MTOR: variants seen among roughly 807,000 people sequenced by gnomAD.
The protein encoded by MTOR is mechanistic target of rapamycin kinase, also known as serine/threonine-protein kinase mTOR.
MTOR carries 70 observed loss-of-function variants against 319.8 expected under a neutral mutation model. The ratio of observed to expected loss-of-function variants is 0.22; its 90% CI spans 0.18 to 0.27. The LOEUF (loss-of-function observed/expected upper bound fraction) is 0.27, where lower values mean the gene tolerates loss of function less well. Ranked by LOEUF, MTOR falls within the 10% of genes least tolerant of loss-of-function variation. The pLI is 1.00. For synonymous variants in MTOR, 1,183 were observed against 1,211.4 expected (o/e 0.98, Z 0.49); for missense variants, 1,890 against 3,274.4 (o/e 0.58, Z 10.32).
At position 11,129,655 on chromosome 1, in the gene MTOR, G is replaced by A; in HGVS notation, c.5714+83C>T. 8.0e-7 allele frequency: 1 copy of A among 1,244,008 alleles called. No homozygotes were observed. Among genetic ancestry groups the A allele is most frequent in the Non-Finnish European group, 1.2e-6 (1 of 862,534 alleles). The allele number at this position is 1,244,008 out of a possible 1,614,324, so 77.1% of individuals were successfully genotyped here. A position where few individuals can be genotyped will look rare whatever the true frequency, so the allele number is the denominator to read the frequency against. ...TGGGTGTCCTGATCAGGGTCAGGAA[G>A]GGAAAGAGGACTTTTACGTGTGACT... is the stretch of plus-strand genomic sequence containing the variant. On this transcript the variant is annotated intron_variant, in intron 40 of 57. Coordinates refer to ENST00000361445, the MANE Select transcript of MTOR (RefSeq NM_004958.4). This position sits in a 1 kb window ranked among gnomAD's most constrained non-coding sequence, Gnocchi z 4.7.
intron 2 of MTOR, among the ~76,000 whole-genome samples, chr1:11,258,868 G>A (rs1005122057): frequency 6.6e-6 from 1 of 152,154 alleles, no homozygotes; most frequent in Non-Finnish European, 1.5e-5. Context: ...GGAGAAACAA[G>A]ATACTGTCTC....
chr1:11,153,876 C>T (rs1458155408), intron 30 of MTOR, among the ~76,000 whole-genome samples: 1 of 151,720 alleles, frequency 6.6e-6, no homozygotes, highest in East Asian at 1.9e-4. Context: ...CAAGACCAGC[C>T]TGGCCAACAT....
intron 28 of MTOR, among the ~76,000 whole-genome samples, chr1:11,178,490 G>A (rs1297840858): frequency 2.0e-5 from 3 of 152,172 alleles, no homozygotes; most frequent in African/African-American, 7.2e-5. Context: ...CAGGCACACC[G>A]CTCCCAGCAT....
chr1:11,207,310 C>T (rs1454120010), intron 25 of MTOR, among the ~76,000 whole-genome samples: 1 of 151,750 alleles, frequency 6.6e-6, no homozygotes, highest in Non-Finnish European at 1.5e-5. Context: ...CCATGTTGCC[C>T]CAGCTGGTCT....
intron 34 of MTOR, among the ~76,000 whole-genome samples, chr1:11,140,485 C>A (rs1643643993): frequency 2.6e-5 from 4 of 152,222 alleles, no homozygotes; most frequent in Admixed American, 2.6e-4. Flanking sequence ...TCACCTCCTG[C>A]TGTGCCTCCC....
chr1:11,140,106 G>C (rs924656662), intron 34 of MTOR, among the ~76,000 whole-genome samples: 1 of 152,052 alleles, frequency 6.6e-6, no homozygotes, highest in Non-Finnish European at 1.5e-5. Flanking sequence ...TTACAGGCAC[G>C]AGCCACCATG....
intron 31 of MTOR, among the ~76,000 whole-genome samples, chr1:11,147,208 C>G (rs1643960839): frequency 6.6e-6 from 1 of 152,158 alleles, no homozygotes; most frequent in South Asian, 2.1e-4. Flanking sequence ...ATTACATTTT[C>G]CTCCAAACAA....
chr1:11,114,513 C>G (rs1410289391), intron 52 of MTOR, 60 bp from the exon 53 acceptor site: 1 of 1,605,700 alleles, frequency 6.2e-7, no homozygotes, highest in Non-Finnish European at 8.5e-7. Flanking sequence ...CAAAGCAAGC[C>G]GAGGGGGTCT....
chr1:11,130,868 C>T (rs2100435146), intron 38 of MTOR, 91 bp from the exon 39 acceptor site: 1 of 1,456,074 alleles, frequency 6.9e-7, no homozygotes, highest in African/African-American at 1.4e-5. Flanking sequence ...GGAACAGCTG[C>T]TCCTGCCTGT....
At chr1:11,198,349 C>T (rs1195589227) in intron 28 of MTOR, among the ~76,000 whole-genome samples, 17 of 152,152 alleles carry the variant, frequency 1.1e-4, no homozygotes, top group Admixed American at 9.8e-4. Flanking sequence ...TCTATCTTTT[C>T]GCTAACTTTT....
intron 25 of MTOR, among the ~76,000 whole-genome samples, chr1:11,207,679 T>C: frequency 6.6e-6 from 1 of 151,418 alleles, no homozygotes; most frequent in Non-Finnish European, 1.5e-5. Context: ...ATTTTTATTA[T>C]ACAGATGGTG....
At chr1:11,214,309 C>T (rs956714997) in intron 20 of MTOR, among the ~76,000 whole-genome samples, 2 of 152,250 alleles carry the variant, frequency 1.3e-5, no homozygotes, top group Non-Finnish European at 2.9e-5. Context: ...CCTTTCTACA[C>T]CCACATGGTT....
At chr1:11,254,432 GCCCAGC>G (rs570566734) in intron 5 of MTOR, among the ~76,000 whole-genome samples, 17 of 151,986 alleles carry the variant, frequency 1.1e-4, no homozygotes, top group Non-Finnish European at 2.2e-4. Flanking sequence ...AAGCCACCAC[GCCCAGC>G]CCCAGCTTCA....
In MTOR at chr1:11,145,048, A is replaced by G. The variant is rs760066667; in HGVS notation, c.4687-3T>C. The G allele has an allele frequency of 1.2e-6, 2 of 1,614,024 alleles. No homozygotes were observed. Among genetic ancestry groups the G allele is most frequent in the Non-Finnish European group, 1.7e-6 (2 of 1,179,938 alleles). ...AGGTCCCTGGCCTTGTCAATGCACT[A>G]GAAGAGAAACAACCCTTGGGACTGA... On this transcript the variant is annotated splice_polypyrimidine_tract_variant and splice_region_variant and intron_variant, in intron 32 of 57. Transcript: ENST00000361445.
Position 11,109,153 on chromosome 1 carries a change from C to T in MTOR, c.7528+137G>A, listed in dbSNP as rs565468396. The T allele has an allele frequency of 1.4e-6, 1 of 689,924 alleles. No individual in the cohort carries two copies. The highest frequency in any genetic ancestry group is 1.8e-5 in the African/African-American group (1 of 55,300). The allele number at this position is 689,924 out of a possible 1,614,324, so 42.7% of individuals were successfully genotyped here. ...TCAGAGACAATGTTTAACTGATGAC[C>T]TCAAAGACACTCTTTGTCAGCTGCA... On this transcript the variant is annotated intron_variant, in intron 56 of 57. Coordinates refer to ENST00000361445, the MANE Select transcript of MTOR (RefSeq NM_004958.4). This position sits in a 1 kb window ranked among gnomAD's most constrained non-coding sequence, Gnocchi z 4.0.
chr1:11,238,085 G>A (rs754940148), intron 12 of MTOR, 37 bp from the exon 13 acceptor site: 193 of 1,599,550 alleles, frequency 1.2e-4, no homozygotes, highest in Admixed American at 4.0e-4. Context: ...ATTTCCTCAT[G>A]ATCCCATCAC....
At chr1:11,208,459 G>A (rs749708235) in intron 25 of MTOR, among the ~76,000 whole-genome samples, 4 of 152,246 alleles carry the variant, frequency 2.6e-5, no homozygotes, top group Non-Finnish European at 4.4e-5. Flanking sequence ...AGAAGTGAAC[G>A]AGTCAGCTAG....
intron 13 of MTOR, 147 bp downstream of exon 13, chr1:11,237,696 A>G: frequency 2.5e-6 from 2 of 803,014 alleles, no homozygotes; most frequent in Non-Finnish European, 4.0e-6. Context: ...CCAGGGAAAC[A>G]TTTGGACCTT....
At chr1:11,112,976 T>A in intron 53 of MTOR, 59 bp from the exon 54 acceptor site, 1 of 1,538,474 alleles carries the variant, frequency 6.5e-7, no homozygotes, top group South Asian at 1.1e-5. Context: ...GAAAGAAACT[T>A]GGTTATTTTC....
Sources: gnomAD v4.1 joint callset for allele counts (sites outside exome capture counted in the v4.1 genomes callset) on GRCh38, gnomAD v4.1.1 for gene constraint, Gnocchi (gnomAD v3.1) non-coding constraint, MANE v1.5 for transcripts, NCBI Gene and HGNC (gene_info 2026-07-23, HGNC 2026-07-21) for gene names.